The following FRMD4A variants were observed in gnomAD, a reference collection of about 807,000 sequenced individuals.
The protein encoded by FRMD4A is FERM domain-containing protein 4A.
Under a neutral mutation model 129.1 loss-of-function variants are expected in FRMD4A, and 29 were observed. That is an observed-to-expected ratio of 0.22 (90% CI 0.17 to 0.31). The LOEUF is 0.31. Among genes scored for constraint, FRMD4A ranks in the 10% least tolerant of loss-of-function variants. The pLI is 1.00. For synonymous variants in FRMD4A, 634 were observed against 571.6 expected, an observed-to-expected ratio of 1.11 and a Z score of -1.56; for missense variants, 1,272 against 1,375.8, an observed-to-expected ratio of 0.92 and a Z score of 1.19.
intron 2 of FRMD4A, among the ~76,000 whole-genome samples, chr10:13,964,479 G>T: frequency 6.6e-6 from 1 of 151,102 alleles, no homozygotes; most frequent in African/African-American, 2.4e-5. Flanking sequence ...GGCAGGGTGG[G>T]GGTGGGTGGG....
At chr10:14,202,068 G>C (rs1159440762) in intron 2 of FRMD4A, among the ~76,000 whole-genome samples, 1 of 152,146 alleles carries the variant, frequency 6.6e-6, no homozygotes, top group African/African-American at 2.4e-5. Flanking sequence ...AACCCGGGAG[G>C]GGGAGGTTGC....
intron 2 of FRMD4A, among the ~76,000 whole-genome samples, chr10:14,193,130 T>C (rs1373347223): frequency 6.6e-6 from 1 of 152,252 alleles, no homozygotes; most frequent in Non-Finnish European, 1.5e-5. Flanking sequence ...CTGGTAATCA[T>C]GATCTTGGGA....
At chr10:14,219,355 A>G (rs931449811) in intron 2 of FRMD4A, among the ~76,000 whole-genome samples, 1 of 152,192 alleles carries the variant, frequency 6.6e-6, no homozygotes, top group Non-Finnish European at 1.5e-5. Flanking sequence ...CCTGGAACCT[A>G]TGTCAGGACT....
At chr10:13,706,669 T>C (rs575248412) in intron 13 of FRMD4A, among the ~76,000 whole-genome samples, 104 of 152,020 alleles carry the variant, frequency 6.8e-4, no homozygotes, top group Non-Finnish European at 1.1e-3. Flanking sequence ...AAGTTTCCTA[T>C]GGGGACTTAC....
chr10:14,049,682 C>T (rs2131684763), intron 2 of FRMD4A, among the ~76,000 whole-genome samples: 1 of 152,252 alleles, frequency 6.6e-6, no homozygotes, highest in South Asian at 2.1e-4. Context: ...TGGCAAAACC[C>T]TGTCTCTACT....
chr10:13,829,384 G>T (rs542567102), intron 3 of FRMD4A, among the ~76,000 whole-genome samples: 17 of 152,244 alleles, frequency 1.1e-4, no homozygotes, highest in African/African-American at 4.1e-4. Flanking sequence ...AATTAGCTGG[G>T]TGTGGTGCCG....
intron 2 of FRMD4A, among the ~76,000 whole-genome samples, chr10:13,879,472 C>CA (rs1405848114): frequency 2.0e-5 from 3 of 152,128 alleles, no homozygotes; most frequent in Non-Finnish European, 2.9e-5. Context: ...ATGATGGCAC[C>CA]ATTGTACTCC....
At chr10:13,968,693 A>G (rs1044607668) in intron 2 of FRMD4A, among the ~76,000 whole-genome samples, 2 of 152,192 alleles carry the variant, frequency 1.3e-5, no homozygotes, top group East Asian at 3.9e-4. Context: ...ACCTCAGGTG[A>G]TCCACCCACC....
At chr10:13,663,569 C>T (rs1327676241) in intron 18 of FRMD4A, 60 bp from the exon 19 acceptor site, 1 of 863,384 alleles carries the variant, frequency 1.2e-6, no homozygotes, top group African/African-American at 1.7e-5. Context: ...AAAGCCCTAT[C>T]TGTAAAAATA....
intron 2 of FRMD4A, among the ~76,000 whole-genome samples, chr10:14,093,593 C>A (rs1374720953): frequency 3.3e-5 from 5 of 152,158 alleles, no homozygotes; most frequent in Admixed American, 2.0e-4. Context: ...ATGAGTGGGA[C>A]CTGCTTGTAT....
At chr10:14,269,502 G>A (rs746477541) in intron 2 of FRMD4A, among the ~76,000 whole-genome samples, 8 of 152,002 alleles carry the variant, frequency 5.3e-5, no homozygotes, top group Admixed American at 1.3e-4. Flanking sequence ...TCCTTGGCTC[G>A]TGGCCCCTTC....
chr10:14,015,778 A>G (rs2095697288), intron 2 of FRMD4A, among the ~76,000 whole-genome samples: 1 of 152,206 alleles, frequency 6.6e-6, no homozygotes, highest in Admixed American at 6.5e-5. Flanking sequence ...ATTCTCTTAT[A>G]CGGCATATTC....
intron 2 of FRMD4A, among the ~76,000 whole-genome samples, chr10:14,124,759 A>T (rs898864102): frequency 3.9e-5 from 6 of 152,166 alleles, no homozygotes; most frequent in African/African-American, 1.4e-4. Context: ...TACAATCAAG[A>T]TTGCAACCCA....
chr10:14,109,927 C>T (rs935654723), intron 2 of FRMD4A, among the ~76,000 whole-genome samples: 6 of 150,200 alleles, frequency 4.0e-5, no homozygotes, highest in African/African-American at 1.5e-4. Flanking sequence ...GCCAAGATCA[C>T]GACACTGCAC....
chr10:13,988,381 G>T (rs1425351900), intron 2 of FRMD4A, among the ~76,000 whole-genome samples: 1 of 152,150 alleles, frequency 6.6e-6, no homozygotes, highest in African/African-American at 2.4e-5. Flanking sequence ...AGTATCCCCA[G>T]TGCCCAAGAA....
chr10:14,219,743 G>A (rs1438010014), intron 2 of FRMD4A, among the ~76,000 whole-genome samples: 2 of 152,152 alleles, frequency 1.3e-5, no homozygotes, highest in Non-Finnish European at 2.9e-5. Context: ...AGGGCAAGCT[G>A]GGAGGCTGCC....
intron 2 of FRMD4A, among the ~76,000 whole-genome samples, chr10:14,047,250 A>T (rs1165899050): frequency 6.6e-6 from 1 of 152,154 alleles, no homozygotes; most frequent in African/African-American, 2.4e-5. Flanking sequence ...CTTGGTGGAA[A>T]AGAAGAACCA....
chr10:14,302,318 C>T (rs910011359), intron 2 of FRMD4A, among the ~76,000 whole-genome samples: 3 of 152,122 alleles, frequency 2.0e-5, no homozygotes, highest in Non-Finnish European at 1.5e-5. Context: ...CAAGCAGAGC[C>T]AAGCTGGACT....
intron 2 of FRMD4A, among the ~76,000 whole-genome samples, chr10:13,964,792 G>A (rs758796642): frequency 3.3e-5 from 5 of 151,396 alleles, no homozygotes; most frequent in East Asian, 1.9e-4. Context: ...GGGTTCAAGC[G>A]ATTCTCCTGC....
Sources: gnomAD v4.1 joint callset for allele counts (sites outside exome capture counted in the v4.1 genomes callset) on GRCh38, gnomAD v4.1.1 for gene constraint, MANE v1.5 for transcripts, NCBI Gene and HGNC (gene_info 2026-07-23, HGNC 2026-07-21) for gene names.